The following RANBP17 variants were observed in gnomAD, a reference collection of about 807,000 sequenced individuals.
RANBP17 encodes the protein ran-binding protein 17.
A neutral mutation model predicts 141.2 loss-of-function variants in RANBP17; 158 were observed. The observed-to-expected ratio is 1.12, with a 90% CI of 0.98 to 1.28. The LOEUF (loss-of-function observed/expected upper bound fraction) is 1.28. Among genes scored for constraint, RANBP17 ranks in the 50% most tolerant of loss-of-function variants. The pLI, the probability that RANBP17 is intolerant of heterozygous loss-of-function variation, is 0.00. For synonymous variants in RANBP17, 430 were observed against 450.0 expected (o/e 0.96, Z 0.56); for missense variants, 1,438 against 1,290.7 (o/e 1.11, Z -1.75).
intron 22 of RANBP17, among the ~76,000 whole-genome samples, chr5:171,228,657 A>T (rs1277014526): frequency 6.6e-6 from 1 of 152,194 alleles, no homozygotes; most frequent in Non-Finnish European, 1.5e-5. Flanking sequence ...AAGTCAATTG[A>T]TGCAGCAGAT....
At chr5:170,918,158 C>G (rs1772124854) in intron 9 of RANBP17, 1 of 151,954 alleles carries the variant, frequency 6.6e-6, no homozygotes, top group Non-Finnish European at 1.5e-5. Flanking sequence ...GTTATTTGCT[C>G]AACTTTATTC....
chr5:170,948,381 G>A (rs746252015), intron 12 of RANBP17, among the ~76,000 whole-genome samples: 45 of 152,040 alleles, frequency 3.0e-4, no homozygotes, highest in Non-Finnish European at 4.1e-4. Flanking sequence ...TGCAGGATAC[G>A]GGATCAATAA....
At chr5:171,167,102 A>C (rs1432999416) in intron 14 of RANBP17, among the ~76,000 whole-genome samples, 1 of 152,162 alleles carries the variant, frequency 6.6e-6, no homozygotes, top group Admixed American at 6.6e-5. Flanking sequence ...GTCAATGTTG[A>C]CTGTTTTTCT....
At chr5:170,965,408 T>G (rs1407176096) in intron 13 of RANBP17, among the ~76,000 whole-genome samples, 1 of 152,152 alleles carries the variant, frequency 6.6e-6, no homozygotes, top group African/African-American at 2.4e-5. Context: ...TTTAATTAGA[T>G]CCCATTTGTC....
intron 12 of RANBP17, among the ~76,000 whole-genome samples, chr5:170,926,436 T>A (rs377468721): frequency 7.5e-5 from 11 of 145,830 alleles, no homozygotes; most frequent in East Asian, 6.2e-4. Flanking sequence ...TTATTGATTG[T>A]TGTATCATCA....
At chr5:171,191,945 A>G (rs936147528) in intron 18 of RANBP17, among the ~76,000 whole-genome samples, 1 of 152,232 alleles carries the variant, frequency 6.6e-6, no homozygotes, top group Non-Finnish European at 1.5e-5. Context: ...CTAAGCGTCT[A>G]TGAAATAAAC....
intron 12 of RANBP17, among the ~76,000 whole-genome samples, chr5:170,938,630 A>G (rs1377698514): frequency 1.3e-5 from 2 of 152,216 alleles, no homozygotes; most frequent in Admixed American, 1.3e-4. Flanking sequence ...GGAGGATATG[A>G]AAAGGACCTG....
chr5:171,029,008 A>G (rs868006481), intron 14 of RANBP17: 5 of 1,144,600 alleles, frequency 4.4e-6, no homozygotes, highest in Admixed American at 5.2e-5. Context: ...AAGTCAGTCT[A>G]TATGTTAAGC....
chr5:171,032,023 T>C (rs1416975499), intron 14 of RANBP17, among the ~76,000 whole-genome samples: 3 of 152,114 alleles, frequency 2.0e-5, no homozygotes, highest in Admixed American at 6.6e-5. Context: ...TTAGAATATG[T>C]CACTTAAAAC....
At chr5:170,928,152 T>A (rs1239596491) in intron 12 of RANBP17, among the ~76,000 whole-genome samples, 1 of 152,078 alleles carries the variant, frequency 6.6e-6, no homozygotes, top group Non-Finnish European at 1.5e-5. Context: ...CACTTGTATT[T>A]CTTATTTTGT....
At chr5:171,020,807 C>G (rs1019729301) in intron 14 of RANBP17, among the ~76,000 whole-genome samples, 1 of 152,086 alleles carries the variant, frequency 6.6e-6, no homozygotes, top group Non-Finnish European at 1.5e-5. Flanking sequence ...GAATTTGATC[C>G]TGTCATAATA....
In RANBP17 at chr5:170,924,436, G is replaced by C. The variant is rs1174121487; in HGVS notation, c.1354G>C (p.Glu452Gln). The C allele has an allele frequency of 2.5e-6, 4 of 1,613,528 alleles. No individual in the cohort carries two copies. The South Asian group carries it at 4.4e-5, about 18-fold the overall frequency. Reference sequence around the variant, plus strand: ...GCAGTTGTGCACGGTCAGCAGATGTGAATATGAAAAGACATGTGCTCTTCT... The same window carrying C: ...GCAGTTGTGCACGGTCAGCAGATGTCAATATGAAAAGACATGTGCTCTTCT... ...LEQLCTVSRC[E>Q]YEKTCALLVQ... is the part of the protein sequence containing the mutation. Residue 452 changes from glutamate (E) to glutamine (Q), a missense_variant, in exon 12 of 28, where the codon GAA (glutamate) becomes CAA (glutamine). Transcript: ENST00000523189.
intron 25 of RANBP17, among the ~76,000 whole-genome samples, chr5:171,267,026 C>CTTTTTTTTTTTTTTTTTTTTTTTTTTCTT (rs35762251): frequency 8.7e-6 from 1 of 114,620 alleles, no homozygotes; most frequent in African/African-American, 3.7e-5. Context: ...ATTTTCTTTT[C>CTTTTTTTTTTTTTTTTTTTTTTTTTTCTT]TTTTTTTTTT....
chr5:170,949,585 A>G (rs1189355020), intron 12 of RANBP17, among the ~76,000 whole-genome samples: 1 of 152,210 alleles, frequency 6.6e-6, no homozygotes, highest in Non-Finnish European at 1.5e-5. Context: ...AGTGTTGGCA[A>G]AGATTTGGAT....
At chr5:171,168,599 G>A (rs544778726) in intron 14 of RANBP17, among the ~76,000 whole-genome samples, 1 of 152,186 alleles carries the variant, frequency 6.6e-6, no homozygotes, top group East Asian at 1.9e-4. Context: ...TGTGCTTAAA[G>A]GTTTGTGATT....
At chr5:171,273,165 G>T (rs764302212) in intron 25 of RANBP17, among the ~76,000 whole-genome samples, 1 of 152,152 alleles carries the variant, frequency 6.6e-6, no homozygotes, top group Non-Finnish European at 1.5e-5. Context: ...TCTCTCTCCC[G>T]TATCCAGCAC....
chr5:171,200,441 A>G (rs1240978617), intron 19 of RANBP17, among the ~76,000 whole-genome samples: 1 of 152,236 alleles, frequency 6.6e-6, no homozygotes, highest in Non-Finnish European at 1.5e-5. Flanking sequence ...GTGACAAAAC[A>G]GCCCCGTATT....
intron 24 of RANBP17, among the ~76,000 whole-genome samples, chr5:171,254,030 G>A (rs866602656): frequency 1.3e-5 from 2 of 152,042 alleles, no homozygotes; most frequent in Admixed American, 1.3e-4. Flanking sequence ...GGTGGATCAC[G>A]AGGTCAGGAG....
intron 14 of RANBP17, among the ~76,000 whole-genome samples, chr5:171,015,209 T>G (rs1287093954): frequency 6.6e-6 from 1 of 152,090 alleles, no homozygotes; most frequent in Non-Finnish European, 1.5e-5. Flanking sequence ...TTTGTAAAAT[T>G]TGGAAAACTT....
Sources: allele counts gnomAD v4.1 joint callset (sites outside exome capture counted in the v4.1 genomes callset), GRCh38; gene constraint gnomAD v4.1.1; transcripts MANE v1.5; gene names NCBI Gene and HGNC (gene_info 2026-07-23, HGNC 2026-07-21).